ZBTB7C: variants seen among roughly 807,000 people sequenced by gnomAD.
ZBTB7C encodes zinc finger and BTB domain containing 7C.
Under a neutral mutation model 25.7 loss-of-function variants are expected in ZBTB7C, and 8 were observed. That is an observed-to-expected ratio of 0.31 (90% CI 0.18 to 0.56). ZBTB7C has a LOEUF of 0.56. Among genes scored for constraint, ZBTB7C ranks in the 20% least tolerant of loss-of-function variants. ZBTB7C has a pLI of 0.91. For missense variants in ZBTB7C, 824 were observed against 855.2 expected (o/e 0.96, Z 0.46); for synonymous variants, 394 against 369.0 (o/e 1.07, Z -0.78).
chr18:48,369,820 T>C (rs2047343844), intron 1 of ZBTB7C, among the ~76,000 whole-genome samples: 1 of 152,110 alleles, frequency 6.6e-6, no homozygotes, highest in Admixed American at 6.6e-5. Flanking sequence ...AATACTACTC[T>C]CACAACAATT....
At chr18:48,170,580 G>C (rs954293387) in intron 3 of ZBTB7C, among the ~76,000 whole-genome samples, 1 of 152,234 alleles carries the variant, frequency 6.6e-6, no homozygotes, top group Non-Finnish European at 1.5e-5. Context: ...TGGCTGGGAT[G>C]TTGGATTAGG....
intron 3 of ZBTB7C, among the ~76,000 whole-genome samples, chr18:48,179,436 G>C (rs2041805188): frequency 6.6e-6 from 1 of 152,196 alleles, no homozygotes; most frequent in Admixed American, 6.5e-5. Context: ...GGCTTCAGGT[G>C]CTCAAGGAGG....
chr18:48,189,622 C>G (rs980427851), intron 2 of ZBTB7C, among the ~76,000 whole-genome samples: 1 of 152,122 alleles, frequency 6.6e-6, no homozygotes. Context: ...GCCTCTCCCC[C>G]ACCCATCCTT....
chr18:48,239,212 A>C (rs1269189873), intron 2 of ZBTB7C, among the ~76,000 whole-genome samples: 1 of 152,098 alleles, frequency 6.6e-6, no homozygotes, highest in African/African-American at 2.4e-5. Flanking sequence ...TTCCTCCTCC[A>C]CTTGATGGTC....
intron 3 of ZBTB7C, among the ~76,000 whole-genome samples, chr18:48,080,027 G>T (rs1218745227): frequency 6.6e-6 from 1 of 152,214 alleles, no homozygotes; most frequent in African/African-American, 2.4e-5. Flanking sequence ...GGGAGCAGAC[G>T]TTACCACACT....
intron 2 of ZBTB7C, among the ~76,000 whole-genome samples, chr18:48,193,770 A>T (rs1026570959): frequency 1.3e-5 from 2 of 152,218 alleles, no homozygotes; most frequent in African/African-American, 4.8e-5. Context: ...ATCTCTGAGC[A>T]TCCTGCCTCG....
At position 48,280,841 on chromosome 18, in the gene ZBTB7C, T is replaced by TC. The variant is rs550452920; in HGVS notation, c.-79+57332dup. On this transcript the variant is annotated intron_variant, in intron 2 of 4. Transcript: ENST00000590800. ...CACCAGCTTTCCTAGGTAATTTTTT[T>TC]CTCTCTCTTTTTTTTTTTTTTTTTT... Among the ~76,000 whole-genome samples the TC allele has an allele frequency of 4.4e-4, 64 of 145,054 alleles. No homozygotes were observed. The South Asian group carries it at 0.014, about 31-fold the overall frequency.
intron 2 of ZBTB7C, among the ~76,000 whole-genome samples, chr18:48,306,449 G>A (rs979269577): frequency 6.6e-6 from 1 of 152,192 alleles, no homozygotes; most frequent in Non-Finnish European, 1.5e-5. Flanking sequence ...TACATTCTCA[G>A]TGTTGTGCAA....
intron 3 of ZBTB7C, among the ~76,000 whole-genome samples, chr18:48,128,702 G>A (rs1479705633): frequency 6.6e-6 from 1 of 152,100 alleles, no homozygotes; most frequent in East Asian, 1.9e-4. Context: ...TGGAGACTCA[G>A]AAGGGGGAGA....
intron 3 of ZBTB7C, chr18:48,165,004 T>G: frequency 8.4e-7 from 1 of 1,183,788 alleles, no homozygotes; most frequent in Non-Finnish European, 1.1e-6. Context: ...TATTACTTCT[T>G]AGGAAATCTT....
intron 2 of ZBTB7C, among the ~76,000 whole-genome samples, chr18:48,221,031 C>T (rs2042937996): frequency 6.6e-6 from 1 of 151,668 alleles, no homozygotes; most frequent in Non-Finnish European, 1.5e-5. Context: ...CTCCTCTATA[C>T]TGTCCCAGTC....
At chr18:48,409,854 A>AGG (rs138266445), upstream of ZBTB7C, among the ~76,000 whole-genome samples, 3 of 151,864 alleles carry the variant, frequency 2.0e-5, no homozygotes, top group African/African-American at 7.3e-5. Flanking sequence ...GGCAGAGGCG[A>AGG]GGGGGCCAGG....
rs16948831 is a variant in ZBTB7C at position 48,190,096 on chromosome 18, C to T, written c.-78-4101G>A. Among the ~76,000 whole-genome samples the T allele has an allele frequency of 7.7e-3, 1,173 of 152,260 alleles. 17 individuals carry two copies. The highest frequency in any genetic ancestry group is 0.026 in the African/African-American group (1,062 of 41,534). ...ATCCTTTTCTCTCCCTATCATCATC[C>T]GTCCCTCTTCTCTCTGCCTTGGGTG... On this transcript the variant is annotated intron_variant, in intron 2 of 4. Transcript: ENST00000590800.
At chr18:48,287,204 T>TAG (rs2045083800) in intron 2 of ZBTB7C, among the ~76,000 whole-genome samples, 1 of 152,190 alleles carries the variant, frequency 6.6e-6, no homozygotes, top group South Asian at 2.1e-4. Flanking sequence ...AAAATCATAA[T>TAG]AGATGTTTAC....
intron 3 of ZBTB7C, chr18:48,165,096 T>G: frequency 7.8e-7 from 1 of 1,286,898 alleles, no homozygotes; most frequent in Non-Finnish European, 1.0e-6. Flanking sequence ...CAAACAAGTA[T>G]GGTTACAAAA....
intron 1 of ZBTB7C, among the ~76,000 whole-genome samples, chr18:48,407,136 C>T (rs1291540988): frequency 2.0e-5 from 3 of 152,198 alleles, no homozygotes; most frequent in African/African-American, 4.8e-5. Context: ...TCATCTTTCT[C>T]ATTTGGTATC....
At chr18:48,261,854 A>C (rs757813404) in intron 2 of ZBTB7C, among the ~76,000 whole-genome samples, 6 of 152,208 alleles carry the variant, frequency 3.9e-5, no homozygotes, top group Non-Finnish European at 8.8e-5. Flanking sequence ...CATCATCATT[A>C]AGATCTATTT....
At chr18:48,358,379 C>T (rs935534712) in intron 1 of ZBTB7C, among the ~76,000 whole-genome samples, 2 of 152,020 alleles carry the variant, frequency 1.3e-5, no homozygotes, top group Admixed American at 6.6e-5. Flanking sequence ...GTATGTGACA[C>T]CTCTGCCCTG....
chr18:48,265,333 G>A (rs1450846143), intron 2 of ZBTB7C, among the ~76,000 whole-genome samples: 2 of 152,130 alleles, frequency 1.3e-5, no homozygotes, highest in Non-Finnish European at 2.9e-5. Flanking sequence ...ATTAAAATCT[G>A]TCTTTATCTC....
Sources: allele counts gnomAD v4.1 joint callset (sites outside exome capture counted in the v4.1 genomes callset), GRCh38; gene constraint gnomAD v4.1.1; transcripts MANE v1.5; gene names NCBI Gene and HGNC (gene_info 2026-07-23, HGNC 2026-07-21).